CRB1: variants seen among roughly 807,000 people sequenced by gnomAD.
CRB1 encodes the protein crumbs cell polarity complex component 1.
CRB1 carries 83 observed loss-of-function variants against 120.0 expected under a neutral mutation model. That is an observed-to-expected ratio of 0.69 (90% CI 0.58 to 0.83). CRB1 has a LOEUF of 0.83. CRB1 is among the 40% of genes least tolerant of loss of function. The pLI is 0.00. For missense variants in CRB1, 1,699 were observed against 1,687.6 expected (o/e 1.01, Z -0.12); for synonymous variants, 625 against 612.5 (o/e 1.02, Z -0.30).
At chr1:197,471,569 C>A (rs1666979239) in intron 11 of CRB1, among the ~76,000 whole-genome samples, 1 of 152,198 alleles carries the variant, frequency 6.6e-6, no homozygotes, top group African/African-American at 2.4e-5. Context: ...GCCATCCTTT[C>A]TTCACATTCC....
At chr1:197,316,780 A>T (rs778132893) in intron 1 of CRB1, among the ~76,000 whole-genome samples, 4 of 152,166 alleles carry the variant, frequency 2.6e-5, no homozygotes, top group Admixed American at 6.5e-5. Context: ...AAAAACCATT[A>T]AAATTAATAA....
the CRB1 span, among the ~76,000 whole-genome samples, chr1:197,260,752 G>A: frequency 2.0e-5 from 3 of 150,744 alleles, no homozygotes; most frequent in African/African-American, 4.9e-5. Context: ...GCTAGAGTGC[G>A]GTAGGGAGAT....
Position 197,434,756 on chromosome 1 carries a change from A to G in CRB1, c.2893A>G (p.Ser965Gly). ...NGQSGQILFR[S>G]NGNITRELTN... ...ACAAAGCGGTCAAATATTATTCAGAAGCAATGGGAATATTACCAGAGAACT... is the reference window on the plus strand; with the variant it reads ...ACAAAGCGGTCAAATATTATTCAGAGGCAATGGGAATATTACCAGAGAACT... Residue 965 changes from serine (S) to glycine (G), a missense_variant, in exon 9 of 12, where the codon AGC becomes GGC. Coordinates refer to ENST00000367400, the MANE Select transcript of CRB1 (RefSeq NM_201253.3). 1 of 1,613,678 alleles carries G rather than the reference A, an allele frequency of 6.2e-7. No homozygotes were observed.
chr1:197,428,238 G>T (rs1222655652), intron 7 of CRB1, among the ~76,000 whole-genome samples: 1 of 152,068 alleles, frequency 6.6e-6, no homozygotes, highest in African/African-American at 2.4e-5. Context: ...AGTAACTTCG[G>T]CTATAGGCTT....
intron 1 of CRB1, among the ~76,000 whole-genome samples, chr1:197,287,845 A>G (rs1405353007): frequency 3.3e-5 from 5 of 151,888 alleles, no homozygotes; most frequent in Non-Finnish European, 7.4e-5. Context: ...AAGATGGAGT[A>G]GGTGGGACTG....
intron 5 of CRB1, among the ~76,000 whole-genome samples, chr1:197,389,828 T>C (rs1662404723): frequency 6.6e-6 from 1 of 152,098 alleles, no homozygotes; most frequent in Non-Finnish European, 1.5e-5. Flanking sequence ...AGCTGAGGCA[T>C]TTTGTTGCAG....
intron 1 of CRB1, among the ~76,000 whole-genome samples, chr1:197,317,463 A>G (rs892021054): frequency 1.3e-5 from 2 of 151,976 alleles, no homozygotes; most frequent in Non-Finnish European, 2.9e-5. Context: ...CAAAAAACCA[A>G]TGACAATCTT....
chr1:197,436,990 G>T (rs1214663227), intron 9 of CRB1, among the ~76,000 whole-genome samples: 3 of 152,186 alleles, frequency 2.0e-5, no homozygotes, highest in Non-Finnish European at 4.4e-5. Context: ...TATAAACAGA[G>T]ATAAGAAAGA....
At chr1:197,325,566 A>C (rs1464480736) in intron 1 of CRB1, among the ~76,000 whole-genome samples, 1 of 152,168 alleles carries the variant, frequency 6.6e-6, no homozygotes, top group Non-Finnish European at 1.5e-5. Context: ...CTGTGCCTTT[A>C]CACGTTTGGA....
At chr1:197,209,330 TTTTTGTTTTG>T in the CRB1 span, among the ~76,000 whole-genome samples, 5 of 151,502 alleles carry the variant, frequency 3.3e-5, no homozygotes, top group Admixed American at 1.3e-4. Flanking sequence ...TTTGTTTTTG[TTTTTGTTTTG>T]TTTTGTTTTG....
chr1:197,265,577 A>C (rs1160010367), upstream of CRB1, among the ~76,000 whole-genome samples: 1 of 152,240 alleles, frequency 6.6e-6, no homozygotes, highest in Non-Finnish European at 1.5e-5. Flanking sequence ...ACATATATTT[A>C]AATGTGTTTG....
intron 4 of CRB1, among the ~76,000 whole-genome samples, chr1:197,350,017 G>A (rs1260400381): frequency 1.3e-5 from 2 of 151,352 alleles, no homozygotes; most frequent in South Asian, 2.1e-4. Flanking sequence ...GGAGAATGGC[G>A]TGAACCCGGG....
intron 11 of CRB1, among the ~76,000 whole-genome samples, chr1:197,465,127 A>G (rs1322558940): frequency 1.3e-5 from 2 of 152,172 alleles, no homozygotes; most frequent in East Asian, 3.8e-4. Flanking sequence ...TAAAATAACC[A>G]CTTTAGCTTT....
the CRB1 span, among the ~76,000 whole-genome samples, chr1:197,235,280 C>T: frequency 6.6e-6 from 1 of 152,068 alleles, no homozygotes; most frequent in African/African-American, 2.4e-5. Context: ...ACTTGGGTCC[C>T]ATTAATTAAG....
At chr1:197,214,708 A>C in the CRB1 span, among the ~76,000 whole-genome samples, 1 of 152,310 alleles carries the variant, frequency 6.6e-6, no homozygotes, top group African/African-American at 2.4e-5. Flanking sequence ...AACAAAGGAA[A>C]GTCCAGGACC....
the CRB1 span, among the ~76,000 whole-genome samples, chr1:197,209,562 AG>A: frequency 6.6e-6 from 1 of 151,916 alleles, no homozygotes; most frequent in Non-Finnish European, 1.5e-5. Context: ...TGGCCAGGCT[AG>A]TCTTGAACTT....
chr1:197,274,701 G>A (rs556588925), intron 1 of CRB1, among the ~76,000 whole-genome samples: 15 of 152,142 alleles, frequency 9.9e-5, no homozygotes, highest in Admixed American at 3.3e-4. Flanking sequence ...CTTTCTGGAC[G>A]AGCTTCTTTC....
chr1:197,315,223 C>T (rs1420454237), intron 1 of CRB1, among the ~76,000 whole-genome samples: 1 of 152,094 alleles, frequency 6.6e-6, no homozygotes, highest in African/African-American at 2.4e-5. Flanking sequence ...ATCAGGAGGG[C>T]GAGTCTTGTA....
chr1:197,258,187 T>G, the CRB1 span, among the ~76,000 whole-genome samples: 1 of 152,218 alleles, frequency 6.6e-6, no homozygotes, highest in Non-Finnish European at 1.5e-5. Context: ...GGATTTTTTG[T>G]AACACAAATG....
Sources: gnomAD v4.1 joint callset for allele counts (sites outside exome capture counted in the v4.1 genomes callset) on GRCh38, gnomAD v4.1.1 for gene constraint, MANE v1.5 for transcripts, NCBI Gene and HGNC (gene_info 2026-07-23, HGNC 2026-07-21) for gene names.